The following ITGA5 variants were observed in gnomAD, a reference collection of about 807,000 sequenced individuals.
ITGA5 encodes the protein integrin subunit alpha 5.
Under a neutral mutation model 146.3 loss-of-function variants are expected in ITGA5, and 55 were observed. That is an observed-to-expected ratio of 0.38 (90% CI 0.30 to 0.47). The LOEUF is 0.47. ITGA5 is among the 20% of genes least tolerant of loss of function. The pLI is 0.99. For synonymous variants in ITGA5, 500 were observed against 531.8 expected (o/e 0.94, Z 0.82); for missense variants, 1,131 against 1,329.0 (o/e 0.85, Z 2.32).
In ITGA5 at chr12:54,409,095, A is replaced by C; in HGVS notation, c.583+137T>G. ...CAGACAGTAAGCATAAAGGCTAACGAACTGGGTTAGCCTTTATCTTAAGCA... is the reference window on the plus strand; with the variant it reads ...CAGACAGTAAGCATAAAGGCTAACGCACTGGGTTAGCCTTTATCTTAAGCA... On this transcript the variant is annotated intron_variant, in intron 4 of 29. Transcript: ENST00000293379. The surrounding 1 kb of genome is among the most constrained non-coding windows in gnomAD (Gnocchi z 4.7). The C allele has an allele frequency of 7.1e-7, 1 of 1,414,854 alleles. No individual in the cohort carries two copies. Among genetic ancestry groups the C allele is most frequent in the East Asian group, 2.3e-5 (1 of 43,820 alleles). The allele number at this position is 1,414,854 out of a possible 1,614,324, so 87.6% of individuals were successfully genotyped here.
intron 12 of ITGA5, 102 bp downstream of exon 12, chr12:54,405,064 C>A: frequency 8.0e-7 from 1 of 1,256,024 alleles, no homozygotes; most frequent in Non-Finnish European, 1.1e-6. Flanking sequence ...CTCGGGAAGT[C>A]GTGGAGGTCT....
rs373708305 is a variant in ITGA5, at chr12:54,404,233, C to T, written c.1477G>A (p.Val493Met). 2.2e-5 allele frequency: 35 copies of T among 1,600,746 alleles called. No individual in the cohort carries two copies. The highest frequency in any genetic ancestry group is 2.6e-5 in the Non-Finnish European group (31 of 1,173,350). Residue 493 changes from valine (V) to methionine (M), a missense_variant, in exon 15 of 30, where the codon GTG (valine) becomes ATG (methionine). Transcript: ENST00000293379. ...ATGGTGAGGGAGGCACTAGCGGACACGATGGGGCGGCCCCTGCCAAGAGTG... is the reference window on the plus strand; with the variant it reads ...ATGGTGAGGGAGGCACTAGCGGACATGATGGGGCGGCCCCTGCCAAGAGTG... ...KAVVYRGRPI[V>M]SASASLTIFP...
Position 54,397,472 on chromosome 12 carries a change from G to A in ITGA5, c.2959C>T (p.Gln987Ter). ...TAGCTGCCTTCTGCCTTGGTCCATT[G>A]CACAGCTGTGGCCACCTGGGGAGCA... is the stretch of plus-strand genomic sequence containing the variant. Reference protein sequence around the residue: ...QKERQVATAVQWTKAEGSYGV... With the variant: ...QKERQVATAV The change falls in exon 29 of 30, where the codon CAA becomes TAA. Residue 987 changes from glutamine (Q) to a stop codon, truncating the protein, a stop_gained. Transcript: ENST00000293379. LOFTEE classifies it high-confidence loss of function. 6.2e-7 allele frequency: 1 copy of A among 1,614,054 alleles called. No homozygotes were observed. The highest frequency in any genetic ancestry group is 8.5e-7 in the Non-Finnish European group (1 of 1,179,982).
chr12:54,406,009 A>G, intron 9 of ITGA5, 83 bp from the exon 10 acceptor site: 1 of 1,238,084 alleles, frequency 8.1e-7, no homozygotes, highest in Non-Finnish European at 1.2e-6. Flanking sequence ...CAGGACACCC[A>G]GGGGCAGGCA....
rs1344705718 is a variant in ITGA5, at chr12:54,402,246, A to C, written c.2067T>G (p.Tyr689Ter). 1 of 1,614,134 alleles carries C rather than the reference A, an allele frequency of 6.2e-7. No individual in the cohort carries two copies. Among genetic ancestry groups the C allele is most frequent in the South Asian group, 1.1e-5 (1 of 91,072 alleles). The change falls in exon 20 of 30, where the codon TAT (tyrosine) becomes TAG (stop). Residue 689 changes from tyrosine to a stop codon, truncating the protein, a stop_gained. Coordinates refer to ENST00000293379, the MANE Select transcript of ITGA5 (RefSeq NM_002205.5). LOFTEE classifies it high-confidence loss of function. The stretch of plus-strand genomic sequence containing the variant: ...GGGCGGTGACCCGAAGCTCAGCCTC[A>C]TAGGCGCCACCCTCACCCACATTCT... ...HAQNVGEGGAYEAELRVTAPP... is the reference protein window; with the variant it reads ...HAQNVGEGGA
rs771123106 is a variant in ITGA5, at chr12:54,419,230, G to T, written c.-32C>A. 7 of 1,547,284 alleles carry T rather than the reference G, an allele frequency of 4.5e-6. No individual in the cohort carries two copies. The South Asian group carries it at 8.3e-5, about 18-fold the overall frequency. On this transcript the variant is annotated 5_prime_UTR_variant, in exon 1 of 30. Transcript: ENST00000293379. The stretch of plus-strand genomic sequence containing the variant: ...CGCTCTTCCCTGTCCTGGGGCCACC[G>T]ACCCGGAGCCGCTTCCTAAACCTCC...
chr12:54,403,033 G>C lies in ITGA5; in HGVS notation c.1932C>G (p.Asp644Glu). ...RIEDKAQILL[D>E]CGEDNICVPD... The stretch of plus-strand genomic sequence containing the variant: ...GCACACAGATGTTGTCTTCTCCACA[G>C]TCCAGCAAGATCTGAGCCTGGGGAG... Residue 644 changes from aspartate (D) to glutamate (E), a missense_variant, in exon 19 of 30, where the codon GAC (aspartate) becomes GAG (glutamate). Physicochemically the swap from Asp to Glu is conservative, Grantham distance 45 (BLOSUM62 2). Transcript: ENST00000293379. The surrounding 1 kb of genome is among the most constrained non-coding windows in gnomAD (Gnocchi z 4.9). 5 of 1,614,158 alleles carry C rather than the reference G, an allele frequency of 3.1e-6. No individual in the cohort carries two copies. The highest frequency in any genetic ancestry group is 4.2e-6 in the Non-Finnish European group (5 of 1,180,010).
chr12:54,403,118 C>A lies in ITGA5; in HGVS notation c.1915-68G>T. ...TCCTGGGCTGTAGGCTCTTCTCTTT[C>A]CATGGCCCTGCCCCCCCAATACCCA... On this transcript the variant is annotated intron_variant, in intron 18 of 29. Transcript: ENST00000293379. This position sits in a 1 kb window ranked among gnomAD's most constrained non-coding sequence, Gnocchi z 4.9. 6.2e-7 allele frequency: 1 copy of A among 1,605,860 alleles called. No homozygotes were observed. Among genetic ancestry groups the A allele is most frequent in the Non-Finnish European group, 8.5e-7 (1 of 1,175,580 alleles).
chr12:54,415,938 T>C (rs1197861013), intron 1 of ITGA5, among the ~76,000 whole-genome samples: 1 of 152,240 alleles, frequency 6.6e-6, no homozygotes, highest in African/African-American at 2.4e-5. Context: ...GCCAAGTCAC[T>C]GCCTCTCTTC....
At chr12:54,417,439 C>G (rs375683088) in intron 1 of ITGA5, among the ~76,000 whole-genome samples, 3 of 119,776 alleles carry the variant, frequency 2.5e-5, no homozygotes, top group South Asian at 5.5e-4. Context: ...GGCTCCAGGC[C>G]AGGGTGATGA....
At position 54,414,756 on chromosome 12, in the gene ITGA5, A is replaced by G. The variant is rs534050734; in HGVS notation, c.219-2792T>C. Among the ~76,000 whole-genome samples, 61 of 150,962 alleles carry G rather than the reference A, an allele frequency of 4.0e-4. 1 individual carries two copies. Among genetic ancestry groups the G allele is most frequent in the Middle Eastern group, 3.4e-3 (1 of 294 alleles). On this transcript the variant is annotated intron_variant, in intron 1 of 29. Coordinates refer to ENST00000293379, the MANE Select transcript of ITGA5 (RefSeq NM_002205.5). ...CACCTACTAGGGAGGCTGAGGCAGG[A>G]GAATGGCATGAACCTGGGAGGCGGA... is the stretch of plus-strand genomic sequence containing the variant.
Position 54,407,826 on chromosome 12 carries a change from A to G in ITGA5, c.862+6T>C. The G allele has an allele frequency of 6.2e-7, 1 of 1,605,072 alleles. No individual in the cohort carries two copies. The highest frequency in any genetic ancestry group is 8.5e-7 in the Non-Finnish European group (1 of 1,174,900). On this transcript the variant is annotated splice_donor_region_variant and intron_variant, in intron 8 of 29. Coordinates refer to ENST00000293379, the MANE Select transcript of ITGA5 (RefSeq NM_002205.5). ...TCCCTTGGCCCCAGCCTGGGGACAC[A>G]CTCACCTTCTGTGTCATCACCACTG...
Position 54,401,563 on chromosome 12 carries a change from C to T in ITGA5, c.2387+22G>A. 4 of 1,612,706 alleles carry T rather than the reference C, an allele frequency of 2.5e-6. No homozygotes were observed. Among genetic ancestry groups the T allele is most frequent in the South Asian group, 1.1e-5 (1 of 91,062 alleles). ...AAGTCTGTGTCCCCTCTCAGAAAGACCCCATTTTGCCTGGCACTGACCCGT... is the reference window on the plus strand; with the variant it reads ...AAGTCTGTGTCCCCTCTCAGAAAGATCCCATTTTGCCTGGCACTGACCCGT... On this transcript the variant is annotated intron_variant, in intron 23 of 29. Coordinates refer to ENST00000293379, the MANE Select transcript of ITGA5 (RefSeq NM_002205.5). This position sits in a 1 kb window ranked among gnomAD's most constrained non-coding sequence, Gnocchi z 5.0.
At position 54,399,556 on chromosome 12, in the gene ITGA5, G is replaced by A; in HGVS notation, c.2841+89C>T. ...GAGTGCTGGGTCCCATTCACCAAAGGAGAGGTGGCTACTGCAGTGGAGAAA... is the reference window on the plus strand; with the variant it reads ...GAGTGCTGGGTCCCATTCACCAAAGAAGAGGTGGCTACTGCAGTGGAGAAA... On this transcript the variant is annotated intron_variant, in intron 27 of 29. Transcript: ENST00000293379. 5.6e-6 allele frequency: 5 copies of A among 899,894 alleles called. No individual in the cohort carries two copies. The Admixed American group carries it at 8.9e-5, about 16-fold the overall frequency. 55.7% of individuals were successfully genotyped at this position (899,894 alleles called of 1,614,324 possible).
chr12:54,403,273 A>G lies in ITGA5; in HGVS notation c.1828T>C (p.Phe610Leu). 6.4e-7 allele frequency: 1 copy of G among 1,562,292 alleles called. No homozygotes were observed. Among genetic ancestry groups the G allele is most frequent in the South Asian group, 1.2e-5 (1 of 82,830 alleles). ...KLSPIHIALN[F>L]SLDPQAPVDS... ...ACTGGGGCTTGGGGGTCCAAGGAGA[A>G]GTTGAGAGCGATGTGAATCGGCGAG... The change falls in exon 18 of 30, where the codon TTC becomes CTC. Residue 610 changes from phenylalanine to leucine, a missense_variant. Phe to Leu is a conservative substitution (Grantham distance 22). This residue lies in a region of ITGA5 where 889 missense variants were observed against 1,021.5 expected (regional missense o/e 0.87). Coordinates refer to ENST00000293379, the MANE Select transcript of ITGA5 (RefSeq NM_002205.5). The surrounding 1 kb of genome is among the most constrained non-coding windows in gnomAD (Gnocchi z 4.9).
chr12:54,405,640 G>T (rs375028281), intron 11 of ITGA5, 24 bp downstream of exon 11: 1 of 1,600,262 alleles, frequency 6.2e-7, no homozygotes, highest in Non-Finnish European at 8.6e-7. Context: ...GGGTATCACA[G>T]TGCGCTCATT....
intron 1 of ITGA5, among the ~76,000 whole-genome samples, chr12:54,415,441 A>G (rs1955994858): frequency 6.6e-6 from 1 of 152,186 alleles, no homozygotes; most frequent in African/African-American, 2.4e-5. Flanking sequence ...GAAAAAGTTC[A>G]AAGCTGCTCA....
rs1315480820 is a variant in ITGA5 at position 54,407,836 on chromosome 12, T to G, written c.858A>C (p.Thr286=). ...VAVGEFSGDD[T]EDFVAGVPKG... ...CCAGCCTGGGGACACACTCACCTTC[T>G]GTGTCATCACCACTGAATTCACCAA... The change falls in exon 8 of 30, where the codon ACA becomes ACC. Residue 286 remains threonine, a synonymous_variant. Transcript: ENST00000293379. 6.2e-7 allele frequency: 1 copy of G among 1,601,900 alleles called. No homozygotes were observed. Among genetic ancestry groups the G allele is most frequent in the South Asian group, 1.1e-5 (1 of 88,740 alleles).
intron 1 of ITGA5, among the ~76,000 whole-genome samples, chr12:54,418,100 C>T (rs1310691367): frequency 6.6e-6 from 1 of 152,136 alleles, no homozygotes; most frequent in Non-Finnish European, 1.5e-5. Context: ...AGCTTCCGAC[C>T]CCAGCCCCAG....
Sources: gnomAD v4.1 joint callset for allele counts (sites outside exome capture counted in the v4.1 genomes callset) on GRCh38, gnomAD v4.1.1 for gene constraint, gnomAD v4.1.1 regional missense constraint, Gnocchi (gnomAD v3.1) non-coding constraint, MANE v1.5 for transcripts, NCBI Gene and HGNC (gene_info 2026-07-23, HGNC 2026-07-21) for gene names.